GCSAML: variants seen among roughly 807,000 people sequenced by gnomAD.
GCSAML encodes germinal center-associated signaling and motility-like protein.
Under a neutral mutation model 13.0 loss-of-function variants are expected in GCSAML, and 9 were observed. That is an observed-to-expected ratio of 0.69 (90% CI 0.42 to 1.21). The LOEUF is 1.21. Ranked by LOEUF, GCSAML falls within the 50% of genes most tolerant of loss-of-function variation. The pLI is 0.00. For missense variants in GCSAML, 143 were observed against 153.4 expected, an observed-to-expected ratio of 0.93 and a Z score of 0.36; for synonymous variants, 37 against 52.9, an observed-to-expected ratio of 0.70 and a Z score of 1.31.
At chr1:247,566,013 TTGTC>T in intron 4 of GCSAML, 54 bp downstream of exon 4, 1 of 1,324,364 alleles carries the variant, frequency 7.6e-7, no homozygotes, top group Non-Finnish European at 1.0e-6. Context: ...TTTATTATGT[TTGTC>T]TGATAAATGC....
At chr1:247,561,305 A>G (rs1668119175) in intron 2 of GCSAML, among the ~76,000 whole-genome samples, 1 of 152,180 alleles carries the variant, frequency 6.6e-6, no homozygotes, top group South Asian at 2.1e-4. Context: ...GGTACATGTG[A>G]TATTTTGATA....
At chr1:247,546,136 G>GA (rs35231679), upstream of GCSAML, among the ~76,000 whole-genome samples, 46,611 of 151,846 alleles carry the variant, frequency 0.31, 8,610 homozygotes, top group African/African-American at 0.52. Context: ...AGGAAAGAAA[G>GA]AAATAAATTT....
intron 4 of GCSAML, among the ~76,000 whole-genome samples, chr1:247,571,609 C>G: frequency 6.6e-6 from 1 of 152,166 alleles, no homozygotes; most frequent in South Asian, 2.1e-4. Context: ...GTAACCCAAC[C>G]TTTCTTTCTG....
chr1:247,532,438 T>C (rs1434914786), intron 2 of GCSAML: 1 of 1,613,904 alleles, frequency 6.2e-7, no homozygotes, highest in Non-Finnish European at 8.5e-7. Context: ...GAGGACAGTT[T>C]CTAGTGAGGG....
At chr1:247,518,594 C>CG (rs897866652) in intron 1 of GCSAML, 66 of 152,482 alleles carry the variant, frequency 4.3e-4, no homozygotes, top group African/African-American at 1.5e-3. Flanking sequence ...CCGCTGGACG[C>CG]GGGAGGACAT....
chr1:247,551,118 A>AAGAC (rs1425768781), intron 1 of GCSAML, among the ~76,000 whole-genome samples: 3 of 152,232 alleles, frequency 2.0e-5, no homozygotes, highest in Non-Finnish European at 2.9e-5. Flanking sequence ...TTTTTAAGAT[A>AAGAC]AGGCAGGTGC....
intron 1 of GCSAML, among the ~76,000 whole-genome samples, chr1:247,549,854 G>A (rs1460819857): frequency 6.6e-6 from 1 of 152,102 alleles, no homozygotes; most frequent in Non-Finnish European, 1.5e-5. Flanking sequence ...AGGCATTATT[G>A]TTCTTACATC....
chr1:247,550,656 A>C (rs562339133), intron 1 of GCSAML, among the ~76,000 whole-genome samples: 57 of 138,642 alleles, frequency 4.1e-4, no homozygotes, highest in East Asian at 1.7e-3. Context: ...AACAAACAAA[A>C]AAAAATGCTT....
intron 4 of GCSAML, among the ~76,000 whole-genome samples, chr1:247,569,221 G>C (rs1016148813): frequency 6.6e-6 from 1 of 152,062 alleles, no homozygotes; most frequent in Non-Finnish European, 1.5e-5. Context: ...TGATTGCCCT[G>C]GTCAGAACTC....
intron 1 of GCSAML, among the ~76,000 whole-genome samples, chr1:247,551,412 TGGGGGTCTGATAATGAA>T (rs1667773189): frequency 1.3e-5 from 2 of 152,180 alleles, no homozygotes; most frequent in African/African-American, 2.4e-5. Flanking sequence ...AGAATGAAGC[TGGGGGTCTGATAATGAA>T]GGGCCTTCAA....
intron 2 of GCSAML, among the ~76,000 whole-genome samples, chr1:247,543,280 C>A (rs998760549): frequency 6.6e-5 from 10 of 152,078 alleles, no homozygotes; most frequent in African/African-American, 2.4e-4. Flanking sequence ...TTATGGTAGC[C>A]CCCCTTATCA....
At chr1:247,546,159 TTTG>T (rs1029124909), upstream of GCSAML, among the ~76,000 whole-genome samples, 5 of 152,134 alleles carry the variant, frequency 3.3e-5, no homozygotes, top group South Asian at 2.1e-4. Context: ...GTTTGTTCGT[TTTG>T]TTTTGTTTTG....
chr1:247,549,033 T>C, upstream of GCSAML: 1 of 1,567,842 alleles, frequency 6.4e-7, no homozygotes, highest in Non-Finnish European at 8.6e-7. Flanking sequence ...CTGCCTTCTC[T>C]ATCATGCGCA....
At position 247,549,242 on chromosome 1, in the gene GCSAML, C is replaced by T. The variant is rs371080437; in HGVS notation, c.29+22C>T. On this transcript the variant is annotated intron_variant, in intron 1 of 4. Coordinates refer to ENST00000366488, the MANE Select transcript of GCSAML (RefSeq NM_145278.5). The stretch of plus-strand genomic sequence containing the variant: ...TCAGGTGAGTCTTGACTCTTGGTGC[C>T]GCCTTTCTTGGGAGAAAGAGAACAG... 53 of 1,605,116 alleles carry T rather than the reference C, an allele frequency of 3.3e-5. No individual in the cohort carries two copies. The East Asian group carries it at 3.3e-4, about 10-fold the overall frequency.
intron 2 of GCSAML, chr1:247,528,189 T>G (rs1426477574): frequency 6.7e-6 from 1 of 149,808 alleles, no homozygotes. Context: ...TACTTCCCCT[T>G]CCCCCACCCC....
chr1:247,531,250 C>A (rs973048032), intron 2 of GCSAML: 7 of 366,500 alleles, frequency 1.9e-5, no homozygotes, highest in Non-Finnish European at 3.5e-5. Context: ...GGAATCCACC[C>A]GCTTCGGATA....
chr1:247,532,485 A>G (rs767036972), intron 2 of GCSAML: 20 of 1,613,954 alleles, frequency 1.2e-5, no homozygotes, highest in East Asian at 1.1e-4. Flanking sequence ...AGACTTCTGG[A>G]GAACTCACAT....
At chr1:247,549,129 T>C, upstream of GCSAML, 3 of 1,614,074 alleles carry the variant, frequency 1.9e-6, no homozygotes, top group Non-Finnish European at 2.5e-6. Flanking sequence ...CTTGGTGCTT[T>C]GGTCAGAACT....
rs370021317 is a variant in GCSAML at position 247,542,581 on chromosome 1, A to G, written c.-147-6464A>G. On this transcript the variant is annotated intron_variant, in intron 2 of 5. Transcript: ENST00000366489. ...GGGTTTATGCAAACCTGAAATTTTC[A>G]GTATCAATAAAATCTTTAAATTTTA... Among the ~76,000 whole-genome samples the G allele has an allele frequency of 8.5e-5, 13 of 152,366 alleles. No homozygotes were observed. The East Asian group carries it at 1.9e-3, about 23-fold the overall frequency.
Sources: allele counts gnomAD v4.1 joint callset (sites outside exome capture counted in the v4.1 genomes callset), GRCh38; gene constraint gnomAD v4.1.1; transcripts MANE v1.5; gene names NCBI Gene and HGNC (gene_info 2026-07-23, HGNC 2026-07-21).